Variants in ANGPT2 observed in about 807,000 individuals in gnomAD.
ANGPT2 encodes the protein angiopoietin 2.
ANGPT2 carries 28 observed loss-of-function variants against 62.9 expected under a neutral mutation model. The ratio of observed to expected loss-of-function variants is 0.44; its 90% CI spans 0.33 to 0.61. The LOEUF (loss-of-function observed/expected upper bound fraction) is 0.61, where lower values mean the gene tolerates loss of function less well. ANGPT2 is among the 20% of genes least tolerant of loss of function. The pLI, the probability that ANGPT2 is intolerant of heterozygous loss-of-function variation, is 0.03. For missense variants in ANGPT2, 727 were observed against 594.9 expected (o/e 1.22, Z -2.31); for synonymous variants, 284 against 207.8 (o/e 1.37, Z -3.15).
chr8:6,560,690 A>C (rs1157616931), intron 1 of ANGPT2, among the ~76,000 whole-genome samples: 1 of 152,234 alleles, frequency 6.6e-6, no homozygotes, highest in African/African-American at 2.4e-5. Context: ...CTGTTCAAAT[A>C]TTGACTAAGT....
At chr8:6,561,962 C>T (rs1269600888) in intron 1 of ANGPT2, among the ~76,000 whole-genome samples, 3 of 152,114 alleles carry the variant, frequency 2.0e-5, no homozygotes, top group African/African-American at 4.8e-5. Context: ...CACGTGGGGA[C>T]GCATTCCGCA....
In ANGPT2 at chr8:6,562,851, G is replaced by A; in HGVS notation, c.84C>T (p.Ser28=). 6.2e-7 allele frequency: 1 copy of A among 1,613,448 alleles called. No individual in the cohort carries two copies. ...GGACCTGATATTGCTTCTTTCCTATGCTGTCCATGCTCTTCCGAAAGTTGT... is the reference window on the plus strand; with the variant it reads ...GGACCTGATATTGCTTCTTTCCTATACTGTCCATGCTCTTCCGAAAGTTGT... ...AYNNFRKSMD[S]IGKKQYQVQH... is the part of the protein sequence containing the mutation. The change falls in exon 1 of 9, where the codon AGC becomes AGT. Residue 28 remains serine (S), a synonymous_variant. Transcript: ENST00000629816.
chr8:6,513,433 C>T (rs2979669), intron 7 of ANGPT2, among the ~76,000 whole-genome samples: 2,888 of 151,446 alleles, frequency 0.019, 43 homozygotes, highest in Non-Finnish European at 0.029. Flanking sequence ...CCCGGGTTCA[C>T]GCCATTCTTC....
chr8:6,548,966 C>T (rs566033345), intron 1 of ANGPT2, among the ~76,000 whole-genome samples: 1 of 152,180 alleles, frequency 6.6e-6, no homozygotes, highest in Non-Finnish European at 1.5e-5. Context: ...TATGTTTAAC[C>T]AGTACTTAAT....
At chr8:6,552,732 C>T (rs377267876) in intron 1 of ANGPT2, among the ~76,000 whole-genome samples, 4 of 151,922 alleles carry the variant, frequency 2.6e-5, no homozygotes, top group South Asian at 2.1e-4. Flanking sequence ...AAACTGGTAC[C>T]GTTTCTGAAG....
At chr8:6,511,852 G>C (rs138651165) in intron 7 of ANGPT2, among the ~76,000 whole-genome samples, 1 of 149,386 alleles carries the variant, frequency 6.7e-6, no homozygotes. Context: ...GACCCATTTT[G>C]TAAAAATCTT....
chr8:6,532,428 T>A lies in ANGPT2; in HGVS notation c.348A>T (p.Ala116=), dbSNP rs757673330. 3.1e-6 allele frequency: 5 copies of A among 1,613,906 alleles called. No individual in the cohort carries two copies. The highest frequency in any genetic ancestry group is 4.2e-6 in the Non-Finnish European group (5 of 1,179,884). Residue 116 remains alanine, a synonymous_variant, in exon 2 of 9, where the codon GCA becomes GCT. Transcript: ENST00000629816. Reference sequence around the variant, plus strand: ...TCATCACAGCCGTCTGGTTCTGTACTGCATTCTGCTGTATCTCTACCATTT... The same window carrying A: ...TCATCACAGCCGTCTGGTTCTGTACAGCATTCTGCTGTATCTCTACCATTT... ...KKEMVEIQQN[A]VQNQTAVMIE...
chr8:6,504,066 C>G (rs1387676055), intron 8 of ANGPT2, among the ~76,000 whole-genome samples: 3 of 152,150 alleles, frequency 2.0e-5, no homozygotes, highest in Non-Finnish European at 2.9e-5. Context: ...CGCCTGTAAT[C>G]CCAGCACTTT....
rs1812273176 is a variant in ANGPT2 at position 6,501,912 on chromosome 8, T to G, written c.*1189A>C. 6.8e-6 allele frequency: 1 copy of G among 146,344 alleles called. No individual in the cohort carries two copies. The highest frequency in any genetic ancestry group is 2.2e-4 in the South Asian group (1 of 4,572). 9.1% of individuals were successfully genotyped at this position (146,344 alleles called of 1,614,324 possible). A position where few individuals can be genotyped will look rare whatever the true frequency, so the allele number is the denominator to read the frequency against. ...ATATATTATGAACATCAGATTTTGT[T>G]TTTGCACTTTGAAACCCTTTTTTTT... On this transcript the variant is annotated 3_prime_UTR_variant, in exon 9 of 9. Coordinates refer to ENST00000629816, the MANE Select transcript of ANGPT2 (RefSeq NM_001118887.2).
intron 1 of ANGPT2, among the ~76,000 whole-genome samples, chr8:6,556,708 G>A (rs1272301272): frequency 6.6e-6 from 1 of 151,882 alleles, no homozygotes; most frequent in Non-Finnish European, 1.5e-5. Context: ...TGACCTCCTG[G>A]GCTCAGGCAA....
chr8:6,537,541 G>A (rs1408184554), intron 1 of ANGPT2, among the ~76,000 whole-genome samples: 1 of 117,592 alleles, frequency 8.5e-6, no homozygotes, highest in Non-Finnish European at 2.0e-5. Flanking sequence ...ATATTTTAAT[G>A]CAACATATAT....
chr8:6,529,770 A>C (rs557411357), intron 2 of ANGPT2, among the ~76,000 whole-genome samples: 3 of 151,844 alleles, frequency 2.0e-5, no homozygotes, highest in Non-Finnish European at 4.4e-5. Flanking sequence ...CAGCTGGCTC[A>C]GCCATTTTCA....
At chr8:6,522,996 G>T (rs573256318) in intron 3 of ANGPT2, among the ~76,000 whole-genome samples, 1 of 147,050 alleles carries the variant, frequency 6.8e-6, no homozygotes, top group Non-Finnish European at 1.5e-5. Flanking sequence ...CCCTTGAAAA[G>T]TTTTTTTTTT....
chr8:6,510,093 C>T (rs1814704063), intron 7 of ANGPT2, among the ~76,000 whole-genome samples: 1 of 152,016 alleles, frequency 6.6e-6, no homozygotes, highest in Admixed American at 6.6e-5. Context: ...TTACATCGGT[C>T]ATCTGTGTAC....
chr8:6,534,111 G>A (rs976533985), intron 1 of ANGPT2, among the ~76,000 whole-genome samples: 2 of 152,078 alleles, frequency 1.3e-5, no homozygotes, highest in African/African-American at 2.4e-5. Flanking sequence ...GTGGATATTG[G>A]ATGGGTCAGA....
In ANGPT2 at chr8:6,499,980, A is replaced by C. The variant is rs969449763; in HGVS notation, c.*3121T>G. The C allele has an allele frequency of 1.0e-5, 15 of 1,479,374 alleles. No homozygotes were observed. The highest frequency in any genetic ancestry group is 1.9e-6 in the Non-Finnish European group (2 of 1,058,118). The allele number at this position is 1,479,374 out of a possible 1,614,324, so 91.6% of individuals were successfully genotyped here. ...GTAAATGCAGTTTGCTGTTCTCAAG[A>C]AATTATTATAAACATAAGGGTGGAC... On this transcript the variant is annotated 3_prime_UTR_variant, in exon 9 of 9. Coordinates refer to ENST00000629816, the MANE Select transcript of ANGPT2 (RefSeq NM_001118887.2).
At chr8:6,525,848 T>C (rs1249289579) in intron 3 of ANGPT2, among the ~76,000 whole-genome samples, 3 of 152,192 alleles carry the variant, frequency 2.0e-5, no homozygotes, top group Non-Finnish European at 4.4e-5. Flanking sequence ...CCTACAGGCA[T>C]AGTTGAAAGC....
chr8:6,544,822 C>A (rs914267486), intron 1 of ANGPT2, among the ~76,000 whole-genome samples: 1 of 152,136 alleles, frequency 6.6e-6, no homozygotes, highest in African/African-American at 2.4e-5. Context: ...GCTGAACTGT[C>A]GACATCAGGA....
At chr8:6,529,708 A>G (rs1305839520) in intron 2 of ANGPT2, among the ~76,000 whole-genome samples, 3 of 144,968 alleles carry the variant, frequency 2.1e-5, no homozygotes, top group African/African-American at 7.7e-5. Context: ...CAAGCGATCC[A>G]CCCACCTCGG....
Sources: allele counts gnomAD v4.1 joint callset (sites outside exome capture counted in the v4.1 genomes callset), GRCh38; gene constraint gnomAD v4.1.1; transcripts MANE v1.5; gene names NCBI Gene and HGNC (gene_info 2026-07-23, HGNC 2026-07-21).